Variants in NUP43 observed in about 807,000 individuals in gnomAD.
NUP43 encodes nucleoporin 43, also known as nucleoporin Nup43.
In NUP43, 32 loss-of-function variants were observed where a neutral mutation model predicts 47.3. That is an observed-to-expected ratio of 0.68 (90% CI 0.51 to 0.91). NUP43 has a LOEUF of 0.91. Ranked by LOEUF, NUP43 falls within the 40% of genes least tolerant of loss-of-function variation. NUP43 has a pLI of 0.00. For synonymous variants in NUP43, 147 were observed against 158.4 expected (o/e 0.93, Z 0.54); for missense variants, 444 against 453.9 (o/e 0.98, Z 0.20).
At chr6:149,727,475 G>A (rs1321219991) in intron 7 of NUP43, 1 of 984,576 alleles carries the variant, frequency 1.0e-6, no homozygotes, top group Non-Finnish European at 1.2e-6. Flanking sequence ...ATCTTTTAAT[G>A]GAAAGTCTCA....
At position 149,726,155 on chromosome 6, in the gene NUP43, C is replaced by G. The variant is rs918397667; in HGVS notation, c.*814G>C. The G allele has an allele frequency of 6.6e-6, 1 of 152,124 alleles. No homozygotes were observed. Among genetic ancestry groups the G allele is most frequent in the African/African-American group, 2.4e-5 (1 of 41,426 alleles). The allele number at this position is 152,124 out of a possible 1,614,324, so 9.4% of individuals were successfully genotyped here. A position where few individuals can be genotyped will look rare whatever the true frequency, so the allele number is the denominator to read the frequency against. On this transcript the variant is annotated 3_prime_UTR_variant, in exon 8 of 8. Transcript: ENST00000340413. ...GGGTGCAGTGGCTCACACCTGTAAT[C>G]ACAGCACTTTGGGAGGTCGAGGCGG... is the stretch of plus-strand genomic sequence containing the variant.
intron 7 of NUP43, chr6:149,728,348 G>A (rs1030841359): frequency 1.0e-6 from 1 of 984,854 alleles, no homozygotes. Context: ...GTGCGGTTAG[G>A]GGAGGAAGGA....
intron 1 of NUP43, 124 bp downstream of exon 1, chr6:149,746,250 CAG>C: frequency 7.0e-7 from 1 of 1,438,402 alleles, no homozygotes. Flanking sequence ...GCGCCTGAGA[CAG>C]GGGTCCGGGG....
chr6:149,747,378 G>T (rs532575520), upstream of NUP43, among the ~76,000 whole-genome samples: 32 of 152,084 alleles, frequency 2.1e-4, no homozygotes, highest in African/African-American at 7.7e-4. Flanking sequence ...CCGCCTCCCA[G>T]GTTCAAGTGA....
chr6:149,739,663 TGAGA>T (rs200328584), intron 4 of NUP43, among the ~76,000 whole-genome samples: 9 of 152,146 alleles, frequency 5.9e-5, no homozygotes, highest in Non-Finnish European at 1.0e-4. Context: ...CCTGCATTTC[TGAGA>T]GAGTTGTTCA....
In NUP43 at chr6:149,743,692, G is replaced by A. The variant is rs533824770; in HGVS notation, c.267C>T (p.Val89=). Residue 89 remains valine (V), a synonymous_variant, in exon 3 of 8, where the codon GTC becomes GTT. Transcript: ENST00000340413. ...DLQFFDQERI[V]AASSTGCVTV... is the part of the protein sequence containing the mutation. ...TTACACATCCTGTTGATGAAGCAGCGACAATTCTTTCCTGGTCAAAAAACT... is the reference window on the plus strand; with the variant it reads ...TTACACATCCTGTTGATGAAGCAGCAACAATTCTTTCCTGGTCAAAAAACT... 5.7e-5 allele frequency: 92 copies of A among 1,610,450 alleles called. No homozygotes were observed. Among genetic ancestry groups the A allele is most frequent in the Non-Finnish European group, 7.1e-5 (84 of 1,177,518 alleles).
intron 2 of NUP43, 49 bp from the exon 3 acceptor site, chr6:149,743,764 A>AG: frequency 8.5e-7 from 1 of 1,178,264 alleles, no homozygotes; most frequent in Non-Finnish European, 1.3e-6. Context: ...ATTAGCAGGG[A>AG]GGAAGTCCAT....
At chr6:149,732,656 C>A (rs928560467) in intron 6 of NUP43, among the ~76,000 whole-genome samples, 2 of 151,828 alleles carry the variant, frequency 1.3e-5, no homozygotes, top group Non-Finnish European at 2.9e-5. Flanking sequence ...GACCAGCTAA[C>A]CAACATGGTG....
chr6:149,748,360 A>G (rs1015266157), upstream of NUP43, among the ~76,000 whole-genome samples: 1 of 152,150 alleles, frequency 6.6e-6, no homozygotes, highest in Non-Finnish European at 1.5e-5. Flanking sequence ...TTTTGCCTGT[A>G]GTTTCATTTA....
At chr6:149,727,296 A>G in intron 7 of NUP43, 98 bp from the exon 8 acceptor site, 4 of 1,465,936 alleles carry the variant, frequency 2.7e-6, no homozygotes. Flanking sequence ...GATGATATCA[A>G]TGTGTTTAAT....
In NUP43 at chr6:149,745,866, T is replaced by G. The variant is rs1056001481; in HGVS notation, c.243+74A>C. On this transcript the variant is annotated intron_variant, in intron 2 of 7. Transcript: ENST00000340413. ...AACGAGGGGTGACACCAGACAACTT[T>G]TATGATGCTCTGCTTGTTTAAATGT... The G allele has an allele frequency of 7.2e-6, 10 of 1,385,320 alleles. No individual in the cohort carries two copies. The African/African-American group carries it at 1.2e-4, about 16-fold the overall frequency. The allele number at this position is 1,385,320 out of a possible 1,614,324, so 85.8% of individuals were successfully genotyped here. A position where few individuals can be genotyped will look rare whatever the true frequency, so the allele number is the denominator to read the frequency against.
In NUP43 at chr6:149,727,709, T is replaced by G. The variant is rs998120919; in HGVS notation, c.914-511A>C. The G allele has an allele frequency of 1.0e-5, 10 of 964,930 alleles. No homozygotes were observed. The African/African-American group carries it at 1.8e-4, about 17-fold the overall frequency. The allele number at this position is 964,930 out of a possible 1,614,324, so 59.8% of individuals were successfully genotyped here. A position where few individuals can be genotyped will look rare whatever the true frequency, so the allele number is the denominator to read the frequency against. On this transcript the variant is annotated intron_variant, in intron 7 of 7. Coordinates refer to ENST00000340413, the MANE Select transcript of NUP43 (RefSeq NM_198887.3). The stretch of plus-strand genomic sequence containing the variant: ...TAAAATATAATCGCCTTACCTCAAA[T>G]CTTTCATTCTTATGCTTTTTAGATA...
rs116331502 is a variant in NUP43 at position 149,745,843 on chromosome 6, C to T, written c.243+97G>A. ...TACAGAGCACTCAGTTTTCTGTAAA[C>T]GAGGGGTGACACCAGACAACTTTTA... On this transcript the variant is annotated intron_variant, in intron 2 of 7. Transcript: ENST00000340413. The T allele has an allele frequency of 1.0e-3, 1,095 of 1,074,828 alleles. 9 individuals carry two copies. In the African/African-American group the frequency reaches 0.013, roughly 13 times the overall value. 66.6% of individuals were successfully genotyped at this position (1,074,828 alleles called of 1,614,324 possible).
At chr6:149,734,748 C>T (rs1342090712) in intron 6 of NUP43, among the ~76,000 whole-genome samples, 3 of 138,034 alleles carry the variant, frequency 2.2e-5, no homozygotes, top group East Asian at 4.6e-4. Context: ...CAGTGAACCG[C>T]GATTGTGCCA....
intron 1 of NUP43, 135 bp from the exon 2 acceptor site, chr6:149,746,197 A>G: frequency 7.6e-7 from 1 of 1,313,572 alleles, no homozygotes; most frequent in Non-Finnish European, 1.1e-6. Context: ...ACGAGATACG[A>G]GGCTCAGGCA....
At chr6:149,737,075 G>C (rs773405610) in intron 5 of NUP43, among the ~76,000 whole-genome samples, 4 of 152,014 alleles carry the variant, frequency 2.6e-5, no homozygotes, top group Non-Finnish European at 5.9e-5. Context: ...TGGATGACTT[G>C]AGGTTCAAGA....
Position 149,746,403 on chromosome 6 carries a change from C to T in NUP43, c.93G>A (p.Thr31=). The change falls in exon 1 of 8, where the codon ACG becomes ACA. Residue 31 remains threonine, a synonymous_variant. Coordinates refer to ENST00000340413, the MANE Select transcript of NUP43 (RefSeq NM_198887.3). ...LPPGSLQTAE[T]FATGSWDNEE... The stretch of plus-strand genomic sequence containing the variant: ...CATTGTCCCAAGATCCTGTAGCGAA[C>T]GTCTCCGCGGTCTGTAAACTTCCCG... 1 of 1,614,174 alleles carries T rather than the reference C, an allele frequency of 6.2e-7. No homozygotes were observed. Among genetic ancestry groups the T allele is most frequent in the Non-Finnish European group, 8.5e-7 (1 of 1,180,034 alleles).
At chr6:149,743,135 C>T (rs1209218103) in intron 3 of NUP43, among the ~76,000 whole-genome samples, 2 of 150,824 alleles carry the variant, frequency 1.3e-5, no homozygotes, top group African/African-American at 4.9e-5. Context: ...GAGATCGCAC[C>T]ACTGCACTCC....
chr6:149,737,754 C>T (rs553671568), intron 5 of NUP43, among the ~76,000 whole-genome samples: 1 of 152,168 alleles, frequency 6.6e-6, no homozygotes, highest in East Asian at 1.9e-4. Context: ...CTCCCAGGTT[C>T]AAGTGATTCT....
Sources: allele counts gnomAD v4.1 joint callset (sites outside exome capture counted in the v4.1 genomes callset), GRCh38; gene constraint gnomAD v4.1.1; transcripts MANE v1.5; gene names NCBI Gene and HGNC (gene_info 2026-07-23, HGNC 2026-07-21).